MYRIP: variants seen among roughly 807,000 people sequenced by gnomAD.
The protein encoded by MYRIP is myosin VIIA and Rab interacting protein, also known as rab effector MyRIP.
Under a neutral mutation model 98.0 loss-of-function variants are expected in MYRIP, and 49 were observed. The observed-to-expected ratio is 0.50, with a 90% CI of 0.40 to 0.63. The LOEUF (loss-of-function observed/expected upper bound fraction) is 0.63, where lower values mean the gene tolerates loss of function less well. Ranked by LOEUF, MYRIP falls within the 30% of genes least tolerant of loss-of-function variation. The probability of loss-of-function intolerance (pLI) is 0.00; values close to 1 mark genes in which losing one functional copy is unlikely to be tolerated. For missense variants in MYRIP, 1,004 were observed against 1,058.2 expected, an observed-to-expected ratio of 0.95 and a Z score of 0.71; for synonymous variants, 404 against 409.5, an observed-to-expected ratio of 0.99 and a Z score of 0.16.
chr3:39,855,648 C>A (rs530117774), intron 1 of MYRIP, among the ~76,000 whole-genome samples: 1 of 152,188 alleles, frequency 6.6e-6, no homozygotes, highest in South Asian at 2.1e-4. Flanking sequence ...GAGGCTTCAC[C>A]CAGCTCCTAC....
intron 3 of MYRIP, among the ~76,000 whole-genome samples, chr3:40,145,399 T>A (rs1461820563): frequency 6.6e-6 from 1 of 152,206 alleles, no homozygotes; most frequent in Admixed American, 6.5e-5. Flanking sequence ...GATAGGTGCT[T>A]TTTCTCCCAC....
At chr3:39,946,830 T>C (rs1944915225) in intron 2 of MYRIP, among the ~76,000 whole-genome samples, 1 of 152,094 alleles carries the variant, frequency 6.6e-6, no homozygotes, top group African/African-American at 2.4e-5. Context: ...CAGTGGCAAA[T>C]TGGTGTTGTC....
chr3:40,096,833 C>A (rs1025381492), intron 3 of MYRIP, among the ~76,000 whole-genome samples: 8 of 152,184 alleles, frequency 5.3e-5, no homozygotes, highest in Non-Finnish European at 1.0e-4. Flanking sequence ...GGCAAAATAA[C>A]AACTGTAAGA....
chr3:40,124,975 C>T (rs1055535806), intron 3 of MYRIP, among the ~76,000 whole-genome samples: 2 of 152,206 alleles, frequency 1.3e-5, no homozygotes, highest in African/African-American at 4.8e-5. Flanking sequence ...GTCACATATC[C>T]TCAGGCAGGT....
At chr3:39,841,448 A>G (rs1208555415) in intron 1 of MYRIP, among the ~76,000 whole-genome samples, 3 of 152,044 alleles carry the variant, frequency 2.0e-5, no homozygotes, top group East Asian at 1.9e-4. Context: ...TCTGAAGCCT[A>G]CTTCTGTCAA....
At chr3:40,055,520 G>A (rs559650132) in intron 3 of MYRIP, among the ~76,000 whole-genome samples, 15 of 152,134 alleles carry the variant, frequency 9.9e-5, no homozygotes, top group African/African-American at 3.4e-4. Context: ...GAGTTGAGGC[G>A]GGAGAAAAGC....
intron 1 of MYRIP, among the ~76,000 whole-genome samples, chr3:39,882,740 T>G (rs1943185984): frequency 6.6e-6 from 1 of 152,130 alleles, no homozygotes; most frequent in African/African-American, 2.4e-5. Flanking sequence ...TGCAATGTGC[T>G]TAAAACAGTG....
chr3:40,153,299 A>G (rs1454692418), intron 4 of MYRIP, among the ~76,000 whole-genome samples: 1 of 152,212 alleles, frequency 6.6e-6, no homozygotes, highest in Non-Finnish European at 1.5e-5. Flanking sequence ...TAAAACAACG[A>G]GATCTATTCT....
At chr3:39,998,649 G>T (rs1946433274) in intron 2 of MYRIP, among the ~76,000 whole-genome samples, 1 of 151,318 alleles carries the variant, frequency 6.6e-6, no homozygotes, top group Non-Finnish European at 1.5e-5. Flanking sequence ...AGCTACCAAT[G>T]ACTTTCTTCA....
intron 2 of MYRIP, among the ~76,000 whole-genome samples, chr3:39,955,129 A>G (rs1335733658): frequency 1.3e-5 from 2 of 152,214 alleles, no homozygotes; most frequent in African/African-American, 2.4e-5. Flanking sequence ...GAACTTCCCC[A>G]ATCTAGCAAG....
chr3:40,099,744 A>C lies in MYRIP; in HGVS notation c.333-51304A>C, dbSNP rs2125890609. Among the ~76,000 whole-genome samples, 3 of 152,358 alleles carry C rather than the reference A, an allele frequency of 2.0e-5. No individual in the cohort carries two copies. The South Asian group carries it at 6.2e-4, about 32-fold the overall frequency. On this transcript the variant is annotated intron_variant, in intron 3 of 16. Transcript: ENST00000302541. ...GTATTAAGAACATTTAGCTAAAGCAAACCTCATAGTCTGTGACTGACAAGA... is the reference window on the plus strand; with the variant it reads ...GTATTAAGAACATTTAGCTAAAGCACACCTCATAGTCTGTGACTGACAAGA...
intron 3 of MYRIP, among the ~76,000 whole-genome samples, chr3:40,124,734 G>A (rs1471362220): frequency 6.6e-6 from 1 of 152,188 alleles, no homozygotes; most frequent in Non-Finnish European, 1.5e-5. Flanking sequence ...GAGAGGGTGA[G>A]TGCCCTGAGA....
At chr3:39,833,446 A>C (rs966521956) in intron 1 of MYRIP, among the ~76,000 whole-genome samples, 6 of 151,976 alleles carry the variant, frequency 3.9e-5, no homozygotes, top group Non-Finnish European at 7.4e-5. Context: ...TAGAATTGAG[A>C]CTCCAAAAGA....
chr3:40,189,846 A>T lies in MYRIP; in HGVS notation c.1048A>T (p.Ser350Cys). 6.2e-7 allele frequency: 1 copy of T among 1,611,836 alleles called. No individual in the cohort carries two copies. The highest frequency in any genetic ancestry group is 8.5e-7 in the Non-Finnish European group (1 of 1,178,968). ...CACAGACCTGGCCCCAGTTTTGCAG[A>T]GCCCCGACGGGAACTGGGTGGCCCT... is the stretch of plus-strand genomic sequence containing the variant. Reference protein sequence around the residue: ...DETNLAPVLQSPDGNWVALKD... With the variant: ...DETNLAPVLQCPDGNWVALKD... The change falls in exon 10 of 17, where the codon AGC (serine) becomes TGC (cysteine). Residue 350 changes from serine to cysteine, a missense_variant. By Grantham distance (112) the Ser-to-Cys change is moderately radical. Around this residue, in one of 3 missense-constraint regions of MYRIP, gnomAD observed 880 missense variants for 907.7 expected, o/e 0.97. Transcript: ENST00000302541.
At chr3:40,187,218 T>C (rs1951062404) in intron 9 of MYRIP, among the ~76,000 whole-genome samples, 1 of 152,346 alleles carries the variant, frequency 6.6e-6, no homozygotes, top group South Asian at 2.1e-4. Flanking sequence ...ATGCTTTATA[T>C]GCATTATCTC....
chr3:39,963,813 C>T (rs1028218162), intron 2 of MYRIP, among the ~76,000 whole-genome samples: 4 of 152,050 alleles, frequency 2.6e-5, no homozygotes, highest in African/African-American at 9.7e-5. Context: ...TCATTGTTTA[C>T]AGCTTATTTT....
chr3:39,980,323 A>C (rs1945859975), intron 2 of MYRIP, among the ~76,000 whole-genome samples: 1 of 152,140 alleles, frequency 6.6e-6, no homozygotes, highest in African/African-American at 2.4e-5. Flanking sequence ...CCCCATGCAA[A>C]TCAGGCATTA....
intron 13 of MYRIP, among the ~76,000 whole-genome samples, chr3:40,244,928 C>A (rs1953141671): frequency 6.6e-6 from 1 of 152,220 alleles, no homozygotes; most frequent in African/African-American, 2.4e-5. Flanking sequence ...CCATCCTTTT[C>A]TGACCCTTGT....
At chr3:40,102,902 G>T (rs1419070418) in intron 3 of MYRIP, among the ~76,000 whole-genome samples, 1 of 151,872 alleles carries the variant, frequency 6.6e-6, no homozygotes, top group Non-Finnish European at 1.5e-5. Context: ...AGTTTTACAA[G>T]ACAGTACTAA....
Sources: gnomAD v4.1 joint callset for allele counts (sites outside exome capture counted in the v4.1 genomes callset) on GRCh38, gnomAD v4.1.1 for gene constraint, gnomAD v4.1.1 regional missense constraint, MANE v1.5 for transcripts, NCBI Gene and HGNC (gene_info 2026-07-23, HGNC 2026-07-21) for gene names.